CERT1: variants seen among roughly 807,000 people sequenced by gnomAD.
CERT1 encodes ceramide transfer protein.
In CERT1, 31 loss-of-function variants were observed where a neutral mutation model predicts 87.9. The observed-to-expected ratio is 0.35, with a 90% CI of 0.27 to 0.48. The LOEUF is 0.48. Ranked by LOEUF, CERT1 falls within the 20% of genes least tolerant of loss-of-function variation. The pLI is 0.99. For missense variants in CERT1, 487 were observed against 758.0 expected (o/e 0.64, Z 4.20); for synonymous variants, 289 against 250.9 (o/e 1.15, Z -1.44).
Position 75,382,022 on chromosome 5 carries a change from A to G in CERT1, c.1544T>C (p.Ile515Thr). Residue 515 changes from isoleucine to threonine, a missense_variant, in exon 15 of 17, where the codon ATA (isoleucine) becomes ACA (threonine). Transcript: ENST00000643780. ...AGGGTCATTTTCAGTCAAGGCTGGT[A>G]TCTTTCGAATGACAGAAAGATATAA... ...DVLYLSVIRK[I>T]PALTENDPET... 1 of 1,613,990 alleles carries G rather than the reference A, an allele frequency of 6.2e-7. No individual in the cohort carries two copies. Among genetic ancestry groups the G allele is most frequent in the Non-Finnish European group, 8.5e-7 (1 of 1,179,888 alleles).
At chr5:75,494,006 A>G (rs1213000561) in intron 2 of CERT1, among the ~76,000 whole-genome samples, 1 of 152,102 alleles carries the variant, frequency 6.6e-6, no homozygotes, top group Non-Finnish European at 1.5e-5. Flanking sequence ...TCATGATTTC[A>G]AAAACTCTTC....
intron 7 of CERT1, among the ~76,000 whole-genome samples, chr5:75,411,587 C>T (rs537784260): frequency 5.9e-5 from 9 of 152,314 alleles, no homozygotes; most frequent in African/African-American, 2.2e-4. Context: ...GCTGGGATTA[C>T]AGGTGTGAGC....
Position 75,483,915 on chromosome 5 carries a change from T to C in CERT1, c.231+22067A>G, listed in dbSNP as rs868264099. ...GAAGTTACAAAAATCACTAATAGTA[T>C]GTACACAATCACAGAATATATAACA... On this transcript the variant is annotated intron_variant, in intron 2 of 16. Transcript: ENST00000643780. Among the ~76,000 whole-genome samples, 2 of 151,588 alleles carry C rather than the reference T, an allele frequency of 1.3e-5. 1 individual carries two copies. The highest frequency in any genetic ancestry group is 4.2e-4 in the South Asian group (2 of 4,814).
chr5:75,373,510 G>C (rs1489163266), downstream of CERT1: 1 of 152,160 alleles, frequency 6.6e-6, no homozygotes, highest in Non-Finnish European at 1.5e-5. Flanking sequence ...TCTAGGGGAA[G>C]AAATAAAGCT....
At chr5:75,453,941 A>AC (rs1310564263) in intron 3 of CERT1, among the ~76,000 whole-genome samples, 2 of 151,974 alleles carry the variant, frequency 1.3e-5, no homozygotes, top group South Asian at 4.2e-4. Context: ...TGGAAAAGAA[A>AC]CCCCCGACCT....
At chr5:75,388,666 C>T (rs1270141675) in intron 12 of CERT1, among the ~76,000 whole-genome samples, 1 of 138,410 alleles carries the variant, frequency 7.2e-6, no homozygotes, top group Non-Finnish European at 1.6e-5. Flanking sequence ...CACTTTGTGA[C>T]CCAGGCTAGA....
chr5:75,497,896 T>C (rs901158448), intron 2 of CERT1, among the ~76,000 whole-genome samples: 1 of 152,100 alleles, frequency 6.6e-6, no homozygotes, highest in Non-Finnish European at 1.5e-5. Context: ...TGGAACAGTT[T>C]GGAGGTTCAG....
Position 75,488,211 on chromosome 5 carries a change from T to C in CERT1, c.231+17771A>G, listed in dbSNP as rs79778923. ...AAAATAGCTAAAAATAGAATGTTTG[T>C]AACACAAAGAAATGATAAAAGCTTG... On this transcript the variant is annotated intron_variant, in intron 2 of 16. Coordinates refer to ENST00000643780, the MANE Select transcript of CERT1 (RefSeq NM_001379029.1). Among the ~76,000 whole-genome samples the C allele has an allele frequency of 2.1e-3, 315 of 152,172 alleles. 1 individual carries two copies. The East Asian group carries it at 0.027, about 13-fold the overall frequency.
At chr5:75,373,028 T>G (rs1173067078), downstream of CERT1, 1 of 152,190 alleles carries the variant, frequency 6.6e-6, no homozygotes, top group Non-Finnish European at 1.5e-5. Flanking sequence ...GGACTTAAAC[T>G]GAAAAAGGTA....
chr5:75,392,658 T>A (rs1477149477), intron 11 of CERT1, among the ~76,000 whole-genome samples: 1 of 152,060 alleles, frequency 6.6e-6, no homozygotes, highest in Non-Finnish European at 1.5e-5. Flanking sequence ...ACTGTTCAGT[T>A]ATGACACGAC....
At chr5:75,466,046 T>C (rs1310021115) in intron 2 of CERT1, among the ~76,000 whole-genome samples, 1 of 152,078 alleles carries the variant, frequency 6.6e-6, no homozygotes, top group African/African-American at 2.4e-5. Flanking sequence ...AAAAAGGATT[T>C]TGATGATAAG....
At chr5:75,497,907 A>G (rs1481094817) in intron 2 of CERT1, among the ~76,000 whole-genome samples, 2 of 152,142 alleles carry the variant, frequency 1.3e-5, no homozygotes, top group African/African-American at 4.8e-5. Context: ...GGAGGTTCAG[A>G]AGAAGACAGG....
chr5:75,497,239 C>T (rs1198854783), intron 2 of CERT1, among the ~76,000 whole-genome samples: 1 of 152,164 alleles, frequency 6.6e-6, no homozygotes, highest in Non-Finnish European at 1.5e-5. Context: ...AAGGGTCTGA[C>T]AACTTCTGTT....
intron 3 of CERT1, among the ~76,000 whole-genome samples, chr5:75,436,088 A>G (rs1055429514): frequency 1.3e-5 from 2 of 152,198 alleles, no homozygotes; most frequent in Admixed American, 6.5e-5. Context: ...GCTGGAGTGC[A>G]GCGGTGCGAT....
rs543976134 is a variant in CERT1, at chr5:75,426,353, C to T, written c.456+18G>A. ...TCAATTTATGTTGTTTAACTTAAGG[C>T]ATCCATTAACTACACACCTTGAATG... is the stretch of plus-strand genomic sequence containing the variant. On this transcript the variant is annotated intron_variant, in intron 4 of 16. Coordinates refer to ENST00000643780, the MANE Select transcript of CERT1 (RefSeq NM_001379029.1). 5 of 1,521,268 alleles carry T rather than the reference C, an allele frequency of 3.3e-6. No homozygotes were observed. Among genetic ancestry groups the T allele is most frequent in the African/African-American group, 2.7e-5 (2 of 73,162 alleles). The allele number at this position is 1,521,268 out of a possible 1,614,324, so 94.2% of individuals were successfully genotyped here.
intron 2 of CERT1, among the ~76,000 whole-genome samples, chr5:75,467,901 GAAC>G (rs1765539629): frequency 6.6e-6 from 1 of 151,968 alleles, no homozygotes; most frequent in Non-Finnish European, 1.5e-5. Context: ...TGAATAAATG[GAAC>G]CCATTTACTC....
At chr5:75,368,497 C>T (rs1337179578) in exon 18 of CERT1, 2 of 152,166 alleles carry the variant, frequency 1.3e-5, no homozygotes, top group African/African-American at 2.4e-5. Flanking sequence ...GCAGTGAATC[C>T]AAAGCTCGCT....
In CERT1 at chr5:75,457,137, A is replaced by G. The variant is rs111411345; in HGVS notation, c.348+1928T>C. ...TAACATGAAACAGGCTGTTCTCCTT[A>G]TATGCACATTTAGCTTCTCTCACCT... On this transcript the variant is annotated intron_variant, in intron 3 of 16. Coordinates refer to ENST00000643780, the MANE Select transcript of CERT1 (RefSeq NM_001379029.1). Among the ~76,000 whole-genome samples, 971 of 152,310 alleles carry G rather than the reference A, an allele frequency of 6.4e-3. 5 individuals carry two copies. The highest frequency in any genetic ancestry group is 0.017 in the Middle Eastern group (5 of 294).
intron 2 of CERT1, among the ~76,000 whole-genome samples, chr5:75,478,894 C>G (rs770520541): frequency 3.3e-5 from 3 of 89,562 alleles, no homozygotes; most frequent in Non-Finnish European, 5.9e-5. Flanking sequence ...AAATCTTGAG[C>G]TTGAAAGTAA....
Sources: allele counts gnomAD v4.1 joint callset (sites outside exome capture counted in the v4.1 genomes callset), GRCh38; gene constraint gnomAD v4.1.1; transcripts MANE v1.5; gene names NCBI Gene and HGNC (gene_info 2026-07-23, HGNC 2026-07-21).